Variants in CNOT10 observed in about 807,000 individuals in gnomAD.
CNOT10 encodes the protein CCR4-NOT transcription complex subunit 10.
In CNOT10, 30 loss-of-function variants were observed where a neutral mutation model predicts 94.6. The observed-to-expected ratio is 0.32, with a 90% CI of 0.24 to 0.43. The LOEUF (loss-of-function observed/expected upper bound fraction) is 0.43, where lower values mean the gene tolerates loss of function less well. Ranked by LOEUF, CNOT10 falls within the 20% of genes least tolerant of loss-of-function variation. CNOT10 has a pLI of 1.00. For synonymous variants in CNOT10, 289 were observed against 301.6 expected (o/e 0.96, Z 0.43); for missense variants, 759 against 877.2 (o/e 0.87, Z 1.70).
chr3:32,744,232 G>A (rs1299455804), intron 13 of CNOT10, among the ~76,000 whole-genome samples: 1 of 152,128 alleles, frequency 6.6e-6, no homozygotes, highest in Admixed American at 6.6e-5. Flanking sequence ...AATTCTTTGA[G>A]ATTTCATCTA....
At chr3:32,764,363 A>G in intron 15 of CNOT10, 92 bp from the exon 16 acceptor site, 1 of 1,325,384 alleles carries the variant, frequency 7.5e-7, no homozygotes, top group South Asian at 1.3e-5. Context: ...AAAGAAAAGA[A>G]AATATGCCCT....
At chr3:32,750,816 C>T (rs1699932030) in intron 13 of CNOT10, among the ~76,000 whole-genome samples, 1 of 152,136 alleles carries the variant, frequency 6.6e-6, no homozygotes, top group South Asian at 2.1e-4. Flanking sequence ...TCCCAGAGTG[C>T]TGGGATTACA....
intron 3 of CNOT10, 87 bp from the exon 4 acceptor site, chr3:32,708,583 A>T (rs1047339707): frequency 9.0e-7 from 1 of 1,116,560 alleles, no homozygotes; most frequent in Admixed American, 2.5e-5. Flanking sequence ...ATGTTGGCCT[A>T]TGTTCCTTTT....
intron 8 of CNOT10, among the ~76,000 whole-genome samples, chr3:32,723,765 G>GA (rs750815082): frequency 3.3e-5 from 5 of 152,054 alleles, no homozygotes; most frequent in Non-Finnish European, 7.4e-5. Flanking sequence ...GTAACCAACA[G>GA]AAAAAACATC....
rs1029781112 is a variant in CNOT10, at chr3:32,744,138, T to C, written c.1595+6648T>C. Among the ~76,000 whole-genome samples, 7 of 152,196 alleles carry C rather than the reference T, an allele frequency of 4.6e-5. No individual in the cohort carries two copies. In the East Asian group the frequency reaches 1.4e-3, roughly 29 times the overall value. ...CAAAGCCATAAAGCTCACAATGCAG[T>C]TGGGTGTGTTAAAGGGCAATTCTGT... is the stretch of plus-strand genomic sequence containing the variant. On this transcript the variant is annotated intron_variant, in intron 13 of 18. Transcript: ENST00000328834.
At chr3:32,696,011 G>C (rs111523082) in intron 1 of CNOT10, among the ~76,000 whole-genome samples, 1 of 147,046 alleles carries the variant, frequency 6.8e-6, no homozygotes, top group African/African-American at 2.5e-5. Flanking sequence ...GTGTGTGTGT[G>C]TGTGTATTTG....
At chr3:32,743,218 C>T (rs1029192771) in intron 13 of CNOT10, among the ~76,000 whole-genome samples, 5 of 151,924 alleles carry the variant, frequency 3.3e-5, no homozygotes, top group South Asian at 2.1e-4. Flanking sequence ...AACTCCTGAC[C>T]GCAGGTGATC....
At chr3:32,687,217 G>A (rs1488032345) in intron 1 of CNOT10, among the ~76,000 whole-genome samples, 2 of 151,544 alleles carry the variant, frequency 1.3e-5, no homozygotes, top group Non-Finnish European at 2.9e-5. Context: ...GATCTATGTC[G>A]CATTGAGTAG....
At chr3:32,695,608 G>C in intron 1 of CNOT10, 1 of 1,535,292 alleles carries the variant, frequency 6.5e-7, no homozygotes, top group Non-Finnish European at 8.7e-7. Flanking sequence ...AAACCTAAAG[G>C]CAATTGTTTA....
intron 11 of CNOT10, among the ~76,000 whole-genome samples, chr3:32,734,534 C>T (rs1218591682): frequency 2.6e-5 from 4 of 152,136 alleles, no homozygotes; most frequent in Non-Finnish European, 5.9e-5. Flanking sequence ...TTGTGATATA[C>T]ATCAAATTAT....
At chr3:32,713,787 A>G (rs1039222004) in intron 5 of CNOT10, among the ~76,000 whole-genome samples, 1 of 152,196 alleles carries the variant, frequency 6.6e-6, no homozygotes, top group Non-Finnish European at 1.5e-5. Context: ...ACTTAGTGTA[A>G]TGCTTTCAAG....
At chr3:32,732,104 T>C (rs1698984506) in intron 10 of CNOT10, among the ~76,000 whole-genome samples, 2 of 151,206 alleles carry the variant, frequency 1.3e-5, no homozygotes, top group South Asian at 4.2e-4. Context: ...TAAAAGATTT[T>C]TTCTGGCTGG....
intron 1 of CNOT10, among the ~76,000 whole-genome samples, chr3:32,690,654 C>T (rs949909623): frequency 1.1e-4 from 17 of 151,814 alleles, no homozygotes; most frequent in Non-Finnish European, 1.8e-4. Flanking sequence ...TCACACCATT[C>T]TCCTGCCTCA....
In CNOT10 at chr3:32,727,817, A is replaced by C; in HGVS notation, c.1162A>C (p.Asn388His). ...LIEAVQVYHA[N>H]PRLWLRLAEC... The stretch of plus-strand genomic sequence containing the variant: ...TGAAGCTGTTCAGGTTTATCATGCA[A>C]ATCCTCGCCTCTGGCTACGGCTGGC... The change falls in exon 10 of 19, where the codon AAT becomes CAT. Residue 388 changes from asparagine (N) to histidine (H), a missense_variant. Coordinates refer to ENST00000328834, the MANE Select transcript of CNOT10 (RefSeq NM_015442.3). 1.9e-6 allele frequency: 3 copies of C among 1,613,808 alleles called. No individual in the cohort carries two copies. Among genetic ancestry groups the C allele is most frequent in the Non-Finnish European group, 2.5e-6 (3 of 1,179,954 alleles).
At position 32,721,763 on chromosome 3, in the gene CNOT10, C is replaced by G. The variant is rs146700734; in HGVS notation, c.862+1532C>G. On this transcript the variant is annotated intron_variant, in intron 8 of 18. Coordinates refer to ENST00000328834, the MANE Select transcript of CNOT10 (RefSeq NM_015442.3). Reference sequence around the variant, plus strand: ...CTGGGTTCGCGACATTCTCCTGCCTCAGCCTCCCGAGTAGCTGAGACTACA... The same window carrying G: ...CTGGGTTCGCGACATTCTCCTGCCTGAGCCTCCCGAGTAGCTGAGACTACA... Among the ~76,000 whole-genome samples, 767 of 151,472 alleles carry G rather than the reference C, an allele frequency of 5.1e-3. 3 individuals carry two copies. The highest frequency in any genetic ancestry group is 8.4e-3 in the Non-Finnish European group (569 of 67,912).
At chr3:32,709,965 G>A (rs1697803859) in intron 4 of CNOT10, among the ~76,000 whole-genome samples, 1 of 151,966 alleles carries the variant, frequency 6.6e-6, no homozygotes, top group Non-Finnish European at 1.5e-5. Context: ...TGATCAACAT[G>A]GGGAAACCCC....
chr3:32,715,795 G>T (rs1339016634), intron 5 of CNOT10, among the ~76,000 whole-genome samples: 1 of 152,094 alleles, frequency 6.6e-6, no homozygotes, highest in Non-Finnish European at 1.5e-5. Flanking sequence ...CTCTAGGAGT[G>T]GGACCTGGGA....
chr3:32,733,419 G>A lies in CNOT10; in HGVS notation c.1216-4G>A. The A allele has an allele frequency of 1.3e-6, 2 of 1,559,914 alleles. No homozygotes were observed. The highest frequency in any genetic ancestry group is 1.4e-5 in the African/African-American group (1 of 72,716). On this transcript the variant is annotated splice_polypyrimidine_tract_variant and splice_region_variant and intron_variant, in intron 10 of 18. Coordinates refer to ENST00000328834, the MANE Select transcript of CNOT10 (RefSeq NM_015442.3). ...ATTTATTGGAAATTATTTGTATTTTGTAGACTTCTGAACAAGAAACTAAAG... is the reference window on the plus strand; with the variant it reads ...ATTTATTGGAAATTATTTGTATTTTATAGACTTCTGAACAAGAAACTAAAG...
In CNOT10 at chr3:32,685,352, G is replaced by A. The variant is rs1696549361; in HGVS notation, c.-109G>A. ...TCTAGCCGGAACCTGGGGGCCCGGA[G>A]CCGGGGTAGGCACAGAGTTGTCCTC... is the stretch of plus-strand genomic sequence containing the variant. On this transcript the variant is annotated 5_prime_UTR_variant, in exon 1 of 19. Transcript: ENST00000328834. 1.8e-5 allele frequency: 24 copies of A among 1,347,986 alleles called. No individual in the cohort carries two copies. The South Asian group carries it at 3.0e-4, about 17-fold the overall frequency. 83.5% of individuals were successfully genotyped at this position (1,347,986 alleles called of 1,614,324 possible). A position where few individuals can be genotyped will look rare whatever the true frequency, so the allele number is the denominator to read the frequency against.
Sources: gnomAD v4.1 joint callset for allele counts (sites outside exome capture counted in the v4.1 genomes callset) on GRCh38, gnomAD v4.1.1 for gene constraint, MANE v1.5 for transcripts, NCBI Gene and HGNC (gene_info 2026-07-23, HGNC 2026-07-21) for gene names.